Variants in ASTN1 observed in about 807,000 individuals in gnomAD.
ASTN1 encodes astrotactin-1.
A neutral mutation model predicts 140.7 loss-of-function variants in ASTN1; 41 were observed. That is an observed-to-expected ratio of 0.29 (90% CI 0.23 to 0.38). ASTN1 has a LOEUF of 0.38. Ranked by LOEUF, ASTN1 falls within the 10% of genes least tolerant of loss-of-function variation. The probability of loss-of-function intolerance (pLI) is 1.00; values close to 1 mark genes in which losing one functional copy is unlikely to be tolerated. For synonymous variants in ASTN1, 640 were observed against 652.2 expected, an observed-to-expected ratio of 0.98 and a Z score of 0.29; for missense variants, 1,479 against 1,678.8, an observed-to-expected ratio of 0.88 and a Z score of 2.08.
intron 1 of ASTN1, among the ~76,000 whole-genome samples, chr1:177,093,334 A>T (rs59551381): frequency 0.03 from 4,565 of 152,264 alleles, 108 homozygotes; most frequent in East Asian, 0.1. Context: ...CCTCAGTGTC[A>T]GGACACTGTA....
chr1:177,158,287 A>G (rs940022404), intron 1 of ASTN1, among the ~76,000 whole-genome samples: 1 of 152,258 alleles, frequency 6.6e-6, no homozygotes, highest in Non-Finnish European at 1.5e-5. Context: ...AAAACAAAAT[A>G]TCAACTATTT....
intron 8 of ASTN1, among the ~76,000 whole-genome samples, chr1:177,003,959 A>G (rs1199649464): frequency 6.6e-6 from 1 of 152,206 alleles, no homozygotes; most frequent in African/African-American, 2.4e-5. Flanking sequence ...ACATAGTATT[A>G]GAAGTCCTAT....
intron 1 of ASTN1, among the ~76,000 whole-genome samples, chr1:177,141,072 C>T (rs1024960400): frequency 6.6e-6 from 1 of 152,004 alleles, no homozygotes; most frequent in Non-Finnish European, 1.5e-5. Context: ...AAAAATTAGC[C>T]GGACGTGGTG....
intron 1 of ASTN1, among the ~76,000 whole-genome samples, chr1:177,069,139 G>T (rs146071971): frequency 0.012 from 1,785 of 152,224 alleles, 20 homozygotes; most frequent in Middle Eastern, 0.027. Context: ...AGGAGTGGCT[G>T]TATTGAAACT....
chr1:177,150,579 T>A (rs532111610), intron 1 of ASTN1, among the ~76,000 whole-genome samples: 4 of 152,246 alleles, frequency 2.6e-5, no homozygotes, highest in African/African-American at 9.6e-5. Flanking sequence ...GGACCAATTA[T>A]CAGGCAGAGT....
chr1:177,014,049 T>TAA (rs752231658), intron 8 of ASTN1, among the ~76,000 whole-genome samples: 14 of 134,716 alleles, frequency 1.0e-4, no homozygotes, highest in African/African-American at 3.8e-4. Context: ...ATGTCTCAAT[T>TAA]AAAAAAAAAA....
At chr1:176,926,891 C>A (rs955514462) in intron 16 of ASTN1, among the ~76,000 whole-genome samples, 1 of 152,208 alleles carries the variant, frequency 6.6e-6, no homozygotes, top group African/African-American at 2.4e-5. Context: ...TCTAGGCTGT[C>A]CGCATTCACA....
At chr1:177,021,910 A>G (rs568905666) in intron 7 of ASTN1, among the ~76,000 whole-genome samples, 2 of 152,260 alleles carry the variant, frequency 1.3e-5, no homozygotes, top group South Asian at 4.2e-4. Context: ...TCCCAAGCAT[A>G]CTAGCTTTTG....
chr1:177,094,343 T>C (rs374367413), intron 1 of ASTN1, among the ~76,000 whole-genome samples: 236 of 152,352 alleles, frequency 1.5e-3, no homozygotes, highest in African/African-American at 5.4e-3. Context: ...CTCATGAATA[T>C]GCACAGGGCA....
chr1:177,076,740 C>T (rs1303693221), intron 1 of ASTN1, among the ~76,000 whole-genome samples: 11 of 152,042 alleles, frequency 7.2e-5, no homozygotes, highest in Non-Finnish European at 1.5e-5. Context: ...CCAGGCTGGT[C>T]TTGAACTTCT....
At chr1:176,944,062 C>A (rs766465746) in intron 13 of ASTN1, 44 bp from the exon 14 acceptor site, 4 of 1,597,404 alleles carry the variant, frequency 2.5e-6, no homozygotes, top group Non-Finnish European at 3.4e-6. Context: ...TCAGGTGAAC[C>A]TGACTCCTTA....
intron 4 of ASTN1, 53 bp downstream of exon 4, chr1:177,030,753 C>T (rs1447891764): frequency 3.7e-6 from 6 of 1,606,328 alleles, no homozygotes; most frequent in Non-Finnish European, 5.1e-6. Context: ...ATGGCCCTGC[C>T]TCTACCAATA....
intron 1 of ASTN1, among the ~76,000 whole-genome samples, chr1:177,148,987 G>A (rs59413640): frequency 0.15 from 22,060 of 144,122 alleles, 3,371 homozygotes; most frequent in African/African-American, 0.4. Flanking sequence ...AGGAAAAAGA[G>A]GAAGAGAAAA....
At chr1:177,047,646 A>AG (rs761556804) in intron 2 of ASTN1, among the ~76,000 whole-genome samples, 1 of 152,118 alleles carries the variant, frequency 6.6e-6, no homozygotes, top group Non-Finnish European at 1.5e-5. Flanking sequence ...GTGAGAGGTG[A>AG]GGGGGGTCTG....
At chr1:177,140,583 T>C (rs138357637) in intron 1 of ASTN1, among the ~76,000 whole-genome samples, 20 of 152,330 alleles carry the variant, frequency 1.3e-4, no homozygotes, top group African/African-American at 1.7e-4. Context: ...CCTTGACCTA[T>C]AAGTAGATTC....
At chr1:177,085,497 T>C (rs1679421663) in intron 1 of ASTN1, among the ~76,000 whole-genome samples, 1 of 152,204 alleles carries the variant, frequency 6.6e-6, no homozygotes, top group Non-Finnish European at 1.5e-5. Context: ...GGATCCCCTA[T>C]GGTCCAGTGA....
intron 1 of ASTN1, among the ~76,000 whole-genome samples, chr1:177,145,589 C>T (rs537296470): frequency 6.6e-6 from 1 of 152,124 alleles, no homozygotes; most frequent in Non-Finnish European, 1.5e-5. Flanking sequence ...ATAGGACCCA[C>T]GGGACTCTCA....
At chr1:177,024,465 T>A in intron 6 of ASTN1, 118 bp downstream of exon 6, 1 of 1,295,022 alleles carries the variant, frequency 7.7e-7, no homozygotes, top group Admixed American at 2.4e-5. Context: ...TATTTCAGTT[T>A]GGTTTTCCCC....
chr1:177,057,554 A>G (rs561359062), intron 2 of ASTN1, among the ~76,000 whole-genome samples: 1 of 152,350 alleles, frequency 6.6e-6, no homozygotes, highest in East Asian at 1.9e-4. Flanking sequence ...CCTCTTGCAC[A>G]TATTGGAAAT....
Sources: gnomAD v4.1 joint callset for allele counts (sites outside exome capture counted in the v4.1 genomes callset) on GRCh38, gnomAD v4.1.1 for gene constraint, MANE v1.5 for transcripts, NCBI Gene and HGNC (gene_info 2026-07-23, HGNC 2026-07-21) for gene names.